The following TUSC3 variants were observed in gnomAD, a reference collection of about 807,000 sequenced individuals.
The protein encoded by TUSC3 is dolichyl-diphosphooligosaccharide--protein glycosyltransferase subunit TUSC3.
A neutral mutation model predicts 44.8 loss-of-function variants in TUSC3; 45 were observed. The observed-to-expected ratio is 1.00, with a 90% CI of 0.79 to 1.29. The LOEUF (loss-of-function observed/expected upper bound fraction) is 1.29. Among genes scored for constraint, TUSC3 ranks in the 50% most tolerant of loss-of-function variants. TUSC3 has a pLI of 0.00. For synonymous variants in TUSC3, 212 were observed against 152.9 expected, an observed-to-expected ratio of 1.39 and a Z score of -2.85; for missense variants, 519 against 437.9, an observed-to-expected ratio of 1.19 and a Z score of -1.65.
the TUSC3 span, among the ~76,000 whole-genome samples, chr8:15,802,139 T>A: frequency 8.9e-3 from 1,358 of 152,270 alleles, 5 homozygotes; most frequent in Middle Eastern, 0.048. Flanking sequence ...GAAAGAGGGA[T>A]GCCCGAGACT....
chr8:15,607,398 A>G (rs748742511), intron 1 of TUSC3, among the ~76,000 whole-genome samples: 3 of 152,306 alleles, frequency 2.0e-5, no homozygotes, highest in Middle Eastern at 3.4e-3. Context: ...TACAGTTATA[A>G]TACATTTGTA....
At chr8:15,709,413 C>T (rs1295270464) in intron 6 of TUSC3, among the ~76,000 whole-genome samples, 1 of 151,800 alleles carries the variant, frequency 6.6e-6, no homozygotes, top group Admixed American at 6.6e-5. Flanking sequence ...CACGTATTTC[C>T]TCGTTCTCCT....
intron 1 of TUSC3, among the ~76,000 whole-genome samples, chr8:15,561,150 C>G (rs1802444254): frequency 1.1e-5 from 1 of 92,658 alleles, no homozygotes; most frequent in Non-Finnish European, 2.3e-5. Flanking sequence ...TACTTTTGGT[C>G]TTTGATGATG....
chr8:15,499,047 C>G (rs531381998), intron 2 of TUSC3, among the ~76,000 whole-genome samples: 1 of 151,762 alleles, frequency 6.6e-6, no homozygotes, highest in East Asian at 1.9e-4. Flanking sequence ...AAATTATTCT[C>G]TCCATTCTTC....
chr8:15,786,220 G>C, the TUSC3 span, among the ~76,000 whole-genome samples: 1 of 152,154 alleles, frequency 6.6e-6, no homozygotes, highest in Admixed American at 6.6e-5. Flanking sequence ...TTACATACAA[G>C]CTTGTCCCTG....
intron 1 of TUSC3, among the ~76,000 whole-genome samples, chr8:15,465,042 G>C (rs960238133): frequency 6.6e-6 from 1 of 152,128 alleles, no homozygotes; most frequent in Non-Finnish European, 1.5e-5. Flanking sequence ...TAGAGACAGA[G>C]TTTCACTATG....
chr8:15,561,858 T>G (rs924909001), intron 1 of TUSC3, among the ~76,000 whole-genome samples: 1 of 152,110 alleles, frequency 6.6e-6, no homozygotes, highest in Non-Finnish European at 1.5e-5. Flanking sequence ...TCGCCCTGTT[T>G]CGGCTGGCGC....
chr8:15,850,236 G>C, the TUSC3 span, among the ~76,000 whole-genome samples: 1 of 151,428 alleles, frequency 6.6e-6, no homozygotes, highest in Non-Finnish European at 1.5e-5. Context: ...AAATCACTTA[G>C]TATTATGTAA....
chr8:15,433,057 C>G (rs1365693952), intron 1 of TUSC3, among the ~76,000 whole-genome samples: 1 of 152,186 alleles, frequency 6.6e-6, no homozygotes, highest in Non-Finnish European at 1.5e-5. Flanking sequence ...ATAGGGGAAT[C>G]CAGTCTCATG....
chr8:15,479,676 G>T (rs1227307556), intron 1 of TUSC3, among the ~76,000 whole-genome samples: 1 of 152,068 alleles, frequency 6.6e-6, no homozygotes, highest in Non-Finnish European at 1.5e-5. Context: ...TGCTGTTTTG[G>T]TTACTATACC....
intron 1 of TUSC3, among the ~76,000 whole-genome samples, chr8:15,560,792 G>A (rs1263248989): frequency 7.7e-5 from 9 of 117,228 alleles, no homozygotes; most frequent in East Asian, 7.2e-4. Context: ...CCAGTTGATC[G>A]CATCGGCTCC....
intron 1 of TUSC3, among the ~76,000 whole-genome samples, chr8:15,575,487 T>A (rs1767090102): frequency 6.6e-6 from 1 of 152,136 alleles, no homozygotes; most frequent in Non-Finnish European, 1.5e-5. Context: ...TTCTGAGGGC[T>A]GGGTATGGTG....
intron 10 of TUSC3, among the ~76,000 whole-genome samples, chr8:15,760,718 G>C (rs1428967588): frequency 1.3e-5 from 2 of 152,170 alleles, no homozygotes; most frequent in Non-Finnish European, 2.9e-5. Flanking sequence ...CAGTTCAGCT[G>C]AGTGGTTTCA....
At chr8:15,624,513 G>A (rs555814221) in intron 2 of TUSC3, among the ~76,000 whole-genome samples, 50 of 152,308 alleles carry the variant, frequency 3.3e-4, no homozygotes, top group African/African-American at 1.2e-3. Context: ...GATAGATACT[G>A]TAGTAATACC....
At chr8:15,760,496 T>G (rs1385308799) in intron 10 of TUSC3, among the ~76,000 whole-genome samples, 1 of 152,080 alleles carries the variant, frequency 6.6e-6, no homozygotes, top group Non-Finnish European at 1.5e-5. Context: ...CACCCTGTGG[T>G]TTAATACAAG....
chr8:15,510,816 C>G (rs1206741998), intron 2 of TUSC3, among the ~76,000 whole-genome samples: 1 of 151,822 alleles, frequency 6.6e-6, no homozygotes. Context: ...ACTATGGACA[C>G]AAACATTCGA....
intron 1 of TUSC3, among the ~76,000 whole-genome samples, chr8:15,571,273 G>A (rs1436959633): frequency 6.6e-6 from 1 of 151,986 alleles, no homozygotes; most frequent in East Asian, 1.9e-4. Context: ...TTTTTTTAAT[G>A]AAATTGTTTT....
chr8:15,640,802 G>A (rs1046502269), intron 2 of TUSC3, among the ~76,000 whole-genome samples: 1 of 152,136 alleles, frequency 6.6e-6, no homozygotes, highest in Non-Finnish European at 1.5e-5. Context: ...CCTGGCTGCT[G>A]CTCTCATTAT....
the TUSC3 span, among the ~76,000 whole-genome samples, chr8:15,795,676 G>A: frequency 6.6e-6 from 1 of 152,224 alleles, no homozygotes. Flanking sequence ...TCCCTGGAAA[G>A]AAGGCATTGT....
Sources: allele counts gnomAD v4.1 joint callset (sites outside exome capture counted in the v4.1 genomes callset), GRCh38; gene constraint gnomAD v4.1.1; transcripts MANE v1.5; gene names NCBI Gene and HGNC (gene_info 2026-07-23, HGNC 2026-07-21).